Variants in ERCC6 observed in about 807,000 individuals in gnomAD.
ERCC6 encodes DNA excision repair protein ERCC-6.
A neutral mutation model predicts 158.7 loss-of-function variants in ERCC6; 116 were observed. The observed-to-expected ratio is 0.73, with a 90% confidence interval of 0.63 to 0.85. The LOEUF is 0.85. Ranked by LOEUF, ERCC6 falls within the 40% of genes least tolerant of loss-of-function variation. The pLI, the probability that ERCC6 is intolerant of heterozygous loss-of-function variation, is 0.00. For synonymous variants in ERCC6, 678 were observed against 659.3 expected, an observed-to-expected ratio of 1.03 and a Z score of -0.43; for missense variants, 1,698 against 1,799.4, an observed-to-expected ratio of 0.94 and a Z score of 1.02.
At chr10:49,521,429 G>A (rs1837158355) in intron 5 of ERCC6, among the ~76,000 whole-genome samples, 1 of 152,132 alleles carries the variant, frequency 6.6e-6, no homozygotes, top group African/African-American at 2.4e-5. Context: ...TTGGCACCCG[G>A]AGCTCCCAGG....
chr10:49,436,288 A>AT, the ERCC6 span, among the ~76,000 whole-genome samples: 1 of 152,140 alleles, frequency 6.6e-6, no homozygotes, highest in Non-Finnish European at 1.5e-5. Context: ...GTAGGAAAAG[A>AT]TTTTTTAAAA....
chr10:49,450,615 C>A (rs150968600), downstream of ERCC6, among the ~76,000 whole-genome samples: 36 of 152,270 alleles, frequency 2.4e-4, no homozygotes, highest in Admixed American at 2.2e-3. Context: ...ACAGCATTAA[C>A]TCTTCTGATC....
chr10:49,495,825 C>G (rs1346117656), intron 7 of ERCC6, among the ~76,000 whole-genome samples: 1 of 152,186 alleles, frequency 6.6e-6, no homozygotes, highest in Non-Finnish European at 1.5e-5. Flanking sequence ...TGTTGCTATG[C>G]CAGGTCCAGC....
At chr10:49,466,184 T>C (rs543999610) in intron 18 of ERCC6, among the ~76,000 whole-genome samples, 1 of 152,326 alleles carries the variant, frequency 6.6e-6, no homozygotes, top group South Asian at 2.1e-4. Context: ...TTGACTCAAG[T>C]AGTGTTTTGA....
In ERCC6 at chr10:49,509,008, C is replaced by T. The variant is rs139075879; in HGVS notation, c.1398-2996G>A. On this transcript the variant is annotated intron_variant, in intron 5 of 20. Transcript: ENST00000355832. ...ATAAAGGATTCTGTATATAAACATC[C>T]TGGGTTTGACATATGCAGAAGTGCA... Among the ~76,000 whole-genome samples, 356 of 152,288 alleles carry T rather than the reference C, an allele frequency of 2.3e-3. 2 individuals are homozygous for T. The highest frequency in any genetic ancestry group is 8.1e-3 in the African/African-American group (338 of 41,570).
downstream of ERCC6, among the ~76,000 whole-genome samples, chr10:49,450,007 G>A (rs1373503046): frequency 1.2e-4 from 18 of 152,008 alleles, no homozygotes; most frequent in Non-Finnish European, 2.9e-5. Flanking sequence ...TGAGTAGCTG[G>A]GACTACAGAT....
intron 7 of ERCC6, among the ~76,000 whole-genome samples, chr10:49,497,132 T>C (rs1236007336): frequency 6.6e-6 from 1 of 152,178 alleles, no homozygotes; most frequent in African/African-American, 2.4e-5. Flanking sequence ...CCTACAGAGT[T>C]TCTAAGCCAT....
In ERCC6 at chr10:49,454,694, T is replaced by C. The variant is rs919826358; in HGVS notation, c.*4121A>G. Among the ~76,000 whole-genome samples the C allele has an allele frequency of 7.9e-5, 12 of 152,020 alleles. No homozygotes were observed. The highest frequency in any genetic ancestry group is 2.2e-4 in the African/African-American group (9 of 41,286). On this transcript the variant is annotated 3_prime_UTR_variant, in exon 21 of 21. Transcript: ENST00000355832. Reference sequence around the variant, plus strand: ...ATATTTCAATGTTAGAAAATTTAACTGTGTACTTTACTACACCAAGAAAAG... The same window carrying C: ...ATATTTCAATGTTAGAAAATTTAACCGTGTACTTTACTACACCAAGAAAAG...
intron 5 of ERCC6, chr10:49,515,644 A>G (rs1836928190): frequency 6.2e-7 from 1 of 1,613,992 alleles, no homozygotes. Flanking sequence ...ACCAGTTCGA[A>G]ACAGAACAAA....
At chr10:49,468,655 T>C (rs553827475) in intron 18 of ERCC6, among the ~76,000 whole-genome samples, 1 of 152,254 alleles carries the variant, frequency 6.6e-6, no homozygotes, top group East Asian at 1.9e-4. Context: ...AACAAACACA[T>C]ACACACACAT....
chr10:49,472,928 T>G lies in ERCC6; in HGVS notation c.2810A>C (p.Asn937Thr), dbSNP rs965242028. ...ACAAACCTGCGTGTCCGTGCTTGGG[T>G]TCCAGTCTGGGTCATAGATGACAAC... ...NRVVIYDPDW[N>T]PSTDTQARER... Residue 937 changes from asparagine to threonine, a missense_variant, in exon 15 of 21, where the codon AAC becomes ACC. By Grantham distance (65) the Asn-to-Thr change is moderately conservative. Transcript: ENST00000355832. 1.2e-6 allele frequency: 2 copies of G among 1,613,770 alleles called. No individual in the cohort carries two copies. The highest frequency in any genetic ancestry group is 1.7e-6 in the Non-Finnish European group (2 of 1,179,904).
chr10:49,516,641 A>C (rs1836976135), intron 5 of ERCC6: 5 of 1,614,102 alleles, frequency 3.1e-6, no homozygotes, highest in Non-Finnish European at 3.4e-6. Context: ...AGTACTTGAC[A>C]ATGAGTTCAA....
At chr10:49,523,863 G>C (rs1837237833) in intron 5 of ERCC6, among the ~76,000 whole-genome samples, 170 bp downstream of exon 5, 1 of 151,700 alleles carries the variant, frequency 6.6e-6, no homozygotes, top group Non-Finnish European at 1.5e-5. Context: ...CATCATTAAG[G>C]ACTCAGGGGC....
intron 8 of ERCC6, among the ~76,000 whole-genome samples, chr10:49,489,523 G>T (rs1426387922): frequency 2.0e-5 from 3 of 152,168 alleles, no homozygotes; most frequent in Non-Finnish European, 4.4e-5. Flanking sequence ...CCCTGGTCTT[G>T]TAAGCACAAA....
At chr10:49,510,004 C>G (rs1223722907) in intron 5 of ERCC6, among the ~76,000 whole-genome samples, 1 of 152,152 alleles carries the variant, frequency 6.6e-6, no homozygotes, top group African/African-American at 2.4e-5. Flanking sequence ...ACAAGAGAAG[C>G]TGGGAACAAA....
chr10:49,494,923 C>T (rs1296636004), intron 7 of ERCC6, among the ~76,000 whole-genome samples: 1 of 152,168 alleles, frequency 6.6e-6, no homozygotes, highest in Admixed American at 6.5e-5. Flanking sequence ...CAGCCTCCCC[C>T]TCTGTAGGTT....
the ERCC6 span, among the ~76,000 whole-genome samples, chr10:49,445,002 T>C: frequency 1.2e-4 from 18 of 152,294 alleles, 1 homozygote; most frequent in African/African-American, 4.1e-4. Flanking sequence ...TTAGGAATAT[T>C]CTAGGAATGA....
At chr10:49,442,968 A>T in the ERCC6 span, among the ~76,000 whole-genome samples, 5 of 152,228 alleles carry the variant, frequency 3.3e-5, no homozygotes, top group African/African-American at 1.2e-4. Context: ...AAAATGTTAG[A>T]GTGTCACTCT....
chr10:49,470,121 G>C, intron 18 of ERCC6, 61 bp downstream of exon 18: 1 of 1,479,780 alleles, frequency 6.8e-7, no homozygotes, highest in Non-Finnish European at 9.5e-7. Flanking sequence ...GCTACTGCTA[G>C]AAACAGCCTA....
Sources: allele counts gnomAD v4.1 joint callset (sites outside exome capture counted in the v4.1 genomes callset), GRCh38; gene constraint gnomAD v4.1.1; transcripts MANE v1.5; gene names NCBI Gene and HGNC (gene_info 2026-07-23, HGNC 2026-07-21).